The following SH3BGRL3 variants were observed in gnomAD, a reference collection of about 807,000 sequenced individuals.
SH3BGRL3 encodes the protein SH3 domain-binding glutamic acid-rich-like protein 3.
SH3BGRL3 carries 8 observed loss-of-function variants against 11.9 expected under a neutral mutation model. That is an observed-to-expected ratio of 0.67 (90% CI 0.40 to 1.22). The LOEUF is 1.22. Among genes scored for constraint, SH3BGRL3 ranks in the 50% most tolerant of loss-of-function variants. The pLI, the probability that SH3BGRL3 is intolerant of heterozygous loss-of-function variation, is 0.01. For synonymous variants in SH3BGRL3, 55 were observed against 52.3 expected (o/e 1.05, Z -0.22); for missense variants, 119 against 120.1 (o/e 0.99, Z 0.04).
rs574034421 is a variant in SH3BGRL3 at position 26,280,152 on chromosome 1, C to T, written c.-4C>T. The T allele has an allele frequency of 1.9e-6, 3 of 1,566,780 alleles. No individual in the cohort carries two copies. The highest frequency in any genetic ancestry group is 2.7e-5 in the African/African-American group (2 of 73,148). ...GCCCGCCGGCCCGTCTGTCTACCCC[C>T]AGCATGAGCGGCCTGCGCGTCTACA... On this transcript the variant is annotated 5_prime_UTR_variant, in exon 1 of 3. Transcript: ENST00000270792.
chr1:26,280,228 TG>T, intron 1 of SH3BGRL3, 25 bp downstream of exon 1: 1 of 1,502,672 alleles, frequency 6.7e-7, no homozygotes, highest in African/African-American at 1.4e-5. Context: ...GGACTGGCGC[TG>T]GGGGAAAGCG....
At chr1:26,280,581 C>T (rs1004424592) in intron 1 of SH3BGRL3, among the ~76,000 whole-genome samples, 184 bp from the exon 2 acceptor site, 1 of 150,932 alleles carries the variant, frequency 6.6e-6, no homozygotes, top group African/African-American at 2.4e-5. Context: ...TAATCCCTCT[C>T]TTCATCCTGC....
intron 1 of SH3BGRL3, 72 bp downstream of exon 1, chr1:26,280,275 C>T (rs1293807527): frequency 2.8e-6 from 4 of 1,416,916 alleles, no homozygotes; most frequent in South Asian, 1.5e-5. Context: ...CCCTAGCGCC[C>T]GGGACCCACC....
In SH3BGRL3 at chr1:26,280,914, C is replaced by T. The variant is rs769401038; in HGVS notation, c.198C>T (p.Asn66=). Residue 66 remains asparagine (N), a synonymous_variant, in exon 2 of 3, where the codon AAC becomes AAT. Transcript: ENST00000270792. ...AGGCCACCCCACCCCAGATTGTCAA[C>T]GGGGACCAGTACTGTGGGGTATGGG... ...NPKATPPQIV[N]GDQYCGDYEL... 2.1e-4 allele frequency: 179 copies of T among 838,718 alleles called. No individual in the cohort carries two copies. Among genetic ancestry groups the T allele is most frequent in the South Asian group, 9.6e-4 (74 of 76,910 alleles). The allele number at this position is 838,718 out of a possible 1,614,324, so 52.0% of individuals were successfully genotyped here.
At chr1:26,280,255 G>C (rs1391526480) in intron 1 of SH3BGRL3, 52 bp downstream of exon 1, 24 of 1,449,306 alleles carry the variant, frequency 1.7e-5, no homozygotes, top group Non-Finnish European at 2.0e-5. Flanking sequence ...CTGTATCCCG[G>C]TGCTTTGGAC....
Position 26,281,223 on chromosome 1 carries a change from C to G in SH3BGRL3, c.*100C>G. The G allele has an allele frequency of 8.5e-7, 1 of 1,176,098 alleles. No homozygotes were observed. Among genetic ancestry groups the G allele is most frequent in the African/African-American group, 1.5e-5 (1 of 65,644 alleles). The allele number at this position is 1,176,098 out of a possible 1,614,324, so 72.9% of individuals were successfully genotyped here. On this transcript the variant is annotated 3_prime_UTR_variant, in exon 3 of 3. Transcript: ENST00000270792. ...CCTTTTGACCAACTCCCTGTCATTC[C>G]TAACCTAACCTTAGAGTCCCTCCCC...
chr1:26,281,177 C>G lies in SH3BGRL3; in HGVS notation c.*54C>G. ...GACTCCATCACCACACTCCCCCCAG[C>G]CTTCACCTGGCCATGAAGGACCTTT... On this transcript the variant is annotated 3_prime_UTR_variant, in exon 3 of 3. Coordinates refer to ENST00000270792, the MANE Select transcript of SH3BGRL3 (RefSeq NM_031286.4). 1 of 1,565,306 alleles carries G rather than the reference C, an allele frequency of 6.4e-7. No individual in the cohort carries two copies. The highest frequency in any genetic ancestry group is 1.1e-5 in the South Asian group (1 of 87,390).
Position 26,280,929 on chromosome 1 carries a change from T to TG in SH3BGRL3, c.216+1dup. The stretch of plus-strand genomic sequence containing the variant: ...AGATTGTCAACGGGGACCAGTACTG[T>TG]GGGGTATGGGCTGGGGGACGGGGGG... On this transcript the variant is annotated frameshift_variant, in exon 2 of 3. Transcript: ENST00000270792. LOFTEE classifies it high-confidence loss of function. 4.9e-6 allele frequency: 3 copies of TG among 611,996 alleles called. No individual in the cohort carries two copies. Among genetic ancestry groups the TG allele is most frequent in the Non-Finnish European group, 5.9e-6 (2 of 336,602 alleles). The allele number at this position is 611,996 out of a possible 1,614,324, so 37.9% of individuals were successfully genotyped here.
rs745575896 is a variant in SH3BGRL3 at position 26,281,120 on chromosome 1, T to A, written c.279T>A (p.Ala93=). Residue 93 remains alanine (A), a synonymous_variant, in exon 3 of 3, where the codon GCT becomes GCA. Coordinates refer to ENST00000270792, the MANE Select transcript of SH3BGRL3 (RefSeq NM_031286.4). ...CGCTGCAGGAGTTCCTGAAGCTGGC[T>A]TGAGTCAAGCCTGTCCAGAGTTCCC... ...QNTLQEFLKL[A] 2.5e-6 allele frequency: 4 copies of A among 1,613,690 alleles called. No homozygotes were observed. In the East Asian group the frequency reaches 8.9e-5, roughly 36 times the overall value.
At chr1:26,280,343 C>T (rs1250379087) in intron 1 of SH3BGRL3, 140 bp downstream of exon 1, 1 of 1,069,388 alleles carries the variant, frequency 9.4e-7, no homozygotes, top group Non-Finnish European at 1.3e-6. Flanking sequence ...CACGGTCTCC[C>T]GGACCCGGTC....
Position 26,281,224 on chromosome 1 carries a change from T to C in SH3BGRL3, c.*101T>C. ...CTTTTGACCAACTCCCTGTCATTCC[T>C]AACCTAACCTTAGAGTCCCTCCCCC... On this transcript the variant is annotated 3_prime_UTR_variant, in exon 3 of 3. Coordinates refer to ENST00000270792, the MANE Select transcript of SH3BGRL3 (RefSeq NM_031286.4). 8.5e-7 allele frequency: 1 copy of C among 1,177,528 alleles called. No individual in the cohort carries two copies. The highest frequency in any genetic ancestry group is 1.2e-6 in the Non-Finnish European group (1 of 824,964). The allele number at this position is 1,177,528 out of a possible 1,614,324, so 72.9% of individuals were successfully genotyped here. A position where few individuals can be genotyped will look rare whatever the true frequency, so the allele number is the denominator to read the frequency against.
chr1:26,280,706 C>T, intron 1 of SH3BGRL3, 59 bp from the exon 2 acceptor site: 1 of 1,589,566 alleles, frequency 6.3e-7, no homozygotes, highest in Non-Finnish European at 8.6e-7. Flanking sequence ...CCCTGCCCAG[C>T]ATTTCCCCCA....
At position 26,281,234 on chromosome 1, in the gene SH3BGRL3, T is replaced by A; in HGVS notation, c.*111T>A. ...ACTCCCTGTCATTCCTAACCTAACC[T>A]TAGAGTCCCTCCCCCAATGCAGGCC... is the stretch of plus-strand genomic sequence containing the variant. On this transcript the variant is annotated 3_prime_UTR_variant, in exon 3 of 3. Coordinates refer to ENST00000270792, the MANE Select transcript of SH3BGRL3 (RefSeq NM_031286.4). The A allele has an allele frequency of 1.9e-6, 2 of 1,039,598 alleles. No individual in the cohort carries two copies. The highest frequency in any genetic ancestry group is 2.8e-6 in the Non-Finnish European group (2 of 706,642). 64.4% of individuals were successfully genotyped at this position (1,039,598 alleles called of 1,614,324 possible). A position where few individuals can be genotyped will look rare whatever the true frequency, so the allele number is the denominator to read the frequency against.
rs1475009778 is a variant in SH3BGRL3, at chr1:26,281,148, G to A, written c.*25G>A. 1.2e-6 allele frequency: 2 copies of A among 1,608,964 alleles called. No homozygotes were observed. Among genetic ancestry groups the A allele is most frequent in the East Asian group, 2.2e-5 (1 of 44,734 alleles). ...AGTCAAGCCTGTCCAGAGTTCCCCT[G>A]CTGGACTCCATCACCACACTCCCCC... is the stretch of plus-strand genomic sequence containing the variant. On this transcript the variant is annotated 3_prime_UTR_variant, in exon 3 of 3. Coordinates refer to ENST00000270792, the MANE Select transcript of SH3BGRL3 (RefSeq NM_031286.4).
rs2072949291 is a variant in SH3BGRL3 at position 26,280,200 on chromosome 1, C to A, written c.45C>A (p.Arg15=). Residue 15 remains arginine, a synonymous_variant, in exon 1 of 3, where the codon CGC becomes CGA. Transcript: ENST00000270792. ...RVYSTSVTGS[R]EIKSQQSEVT... ...ACAGCACGTCGGTCACCGGCTCCCG[C>A]GAAGTAAGTGCGCGCCCGGACTGGC... The A allele has an allele frequency of 1.3e-6, 2 of 1,545,218 alleles. No individual in the cohort carries two copies. Among genetic ancestry groups the A allele is most frequent in the Non-Finnish European group, 1.7e-6 (2 of 1,149,180 alleles).
chr1:26,280,788 G>T lies in SH3BGRL3; in HGVS notation c.72G>T (p.Val24=). The change falls in exon 2 of 3, where the codon GTG becomes GTT. Residue 24 remains valine (V), a synonymous_variant. Coordinates refer to ENST00000270792, the MANE Select transcript of SH3BGRL3 (RefSeq NM_031286.4). ...AGATCAAGTCCCAGCAGAGCGAGGT[G>T]ACCCGAATCCTGGATGGGAAGCGCA... ...SREIKSQQSE[V]TRILDGKRIQ... The T allele has an allele frequency of 6.2e-7, 1 of 1,614,046 alleles. No individual in the cohort carries two copies. The highest frequency in any genetic ancestry group is 8.5e-7 in the Non-Finnish European group (1 of 1,180,022).
At chr1:26,280,975 G>GGACTCTAGCCAGATAT in intron 2 of SH3BGRL3, 43 bp downstream of exon 2, 3 of 1,606,982 alleles carry the variant, frequency 1.9e-6, no homozygotes, top group Non-Finnish European at 2.6e-6. Flanking sequence ...TGTTGGAAGA[G>GGACTCTAGCCAGATAT]GACTCTAGCC....
chr1:26,280,275 C>G (rs1293807527), intron 1 of SH3BGRL3, 72 bp downstream of exon 1: 4 of 1,416,798 alleles, frequency 2.8e-6, no homozygotes, highest in Non-Finnish European at 3.7e-6. Flanking sequence ...CCCTAGCGCC[C>G]GGGACCCACC....
In SH3BGRL3 at chr1:26,280,948, C is replaced by T. The variant is rs544415521; in HGVS notation, c.216+16C>T. ...GTACTGTGGGGTATGGGCTGGGGGA[C>T]GGGGGGGTGGGGGGAGTGTTGGAAG... On this transcript the variant is annotated intron_variant, in intron 2 of 2. Coordinates refer to ENST00000270792, the MANE Select transcript of SH3BGRL3 (RefSeq NM_031286.4). The T allele has an allele frequency of 1.6e-4, 112 of 685,686 alleles. No homozygotes were observed. Among genetic ancestry groups the T allele is most frequent in the South Asian group, 1.2e-3 (85 of 71,930 alleles). The allele number at this position is 685,686 out of a possible 1,614,324, so 42.5% of individuals were successfully genotyped here.
Sources: allele counts gnomAD v4.1 joint callset (sites outside exome capture counted in the v4.1 genomes callset), GRCh38; gene constraint gnomAD v4.1.1; transcripts MANE v1.5; gene names NCBI Gene and HGNC (gene_info 2026-07-23, HGNC 2026-07-21).